The following KCNN2 variants were observed in gnomAD, a reference collection of about 807,000 sequenced individuals.
The protein encoded by KCNN2 is potassium calcium-activated channel subfamily N member 2.
Under a neutral mutation model 55.5 loss-of-function variants are expected in KCNN2, and 24 were observed. The observed-to-expected ratio is 0.43, with a 90% CI of 0.31 to 0.61. The LOEUF (loss-of-function observed/expected upper bound fraction) is 0.61, where lower values mean the gene tolerates loss of function less well. Ranked by LOEUF, KCNN2 falls within the 20% of genes least tolerant of loss-of-function variation. KCNN2 has a pLI of 0.08. For synonymous variants in KCNN2, 431 were observed against 336.1 expected (o/e 1.28, Z -3.09); for missense variants, 754 against 853.6 (o/e 0.88, Z 1.45).
chr5:114,106,641 TTG>T (rs748970857), intron 1 of KCNN2, among the ~76,000 whole-genome samples: 27 of 134,866 alleles, frequency 2.0e-4, no homozygotes, highest in Non-Finnish European at 2.5e-4. Context: ...GATTTTCCAG[TTG>T]TTTTTTTTTT....
chr5:114,341,984 C>G (rs1757025134), intron 2 of KCNN2, among the ~76,000 whole-genome samples: 2 of 151,560 alleles, frequency 1.3e-5, no homozygotes, highest in African/African-American at 2.4e-5. Flanking sequence ...TCACTGCAAG[C>G]TCAGCCTCCT....
chr5:114,300,028 TG>T (rs979450245), intron 2 of KCNN2, among the ~76,000 whole-genome samples: 1 of 5,478 alleles, frequency 1.8e-4, no homozygotes, highest in Non-Finnish European at 3.7e-3. Flanking sequence ...CCAAAAATGG[TG>T]TTTTTTTTTC....
chr5:114,072,094 A>G (rs1750581771), intron 1 of KCNN2, among the ~76,000 whole-genome samples: 1 of 152,162 alleles, frequency 6.6e-6, no homozygotes, highest in African/African-American at 2.4e-5. Flanking sequence ...GGAGTTCAAG[A>G]CCAGCCTGAC....
chr5:114,117,383 T>C (rs560221550), intron 1 of KCNN2, among the ~76,000 whole-genome samples: 12 of 152,288 alleles, frequency 7.9e-5, no homozygotes, highest in African/African-American at 2.9e-4. Context: ...ACCCTTCCTT[T>C]TCCTAGTAAA....
intron 2 of KCNN2, among the ~76,000 whole-genome samples, chr5:114,276,958 GT>G (rs1755503863): frequency 6.6e-6 from 1 of 152,192 alleles, no homozygotes; most frequent in South Asian, 2.1e-4. Flanking sequence ...AGTTTGGCAT[GT>G]TTTTGCAGTG....
intron 2 of KCNN2, among the ~76,000 whole-genome samples, chr5:114,248,624 C>A (rs1017383380): frequency 6.6e-6 from 1 of 151,952 alleles, no homozygotes; most frequent in East Asian, 1.9e-4. Flanking sequence ...TCTCATTTAC[C>A]CACTAGAAAA....
intron 2 of KCNN2, among the ~76,000 whole-genome samples, chr5:114,383,654 G>A (rs150966031): frequency 0.043 from 6,538 of 152,100 alleles, 173 homozygotes; most frequent in Middle Eastern, 0.061. Context: ...TTTTAGTAGG[G>A]ACAGGGTTTT....
intron 1 of KCNN2, among the ~76,000 whole-genome samples, chr5:114,138,862 T>G (rs1752220618): frequency 1.3e-5 from 2 of 152,170 alleles, no homozygotes; most frequent in Non-Finnish European, 2.9e-5. Flanking sequence ...ATTTTCAGTT[T>G]CCTTTTAAGA....
intron 6 of KCNN2, among the ~76,000 whole-genome samples, chr5:114,491,257 C>T (rs1374320025): frequency 6.6e-6 from 1 of 152,118 alleles, no homozygotes; most frequent in African/African-American, 2.4e-5. Flanking sequence ...TCATTACTTG[C>T]TGGAGGCATC....
intron 3 of KCNN2, among the ~76,000 whole-genome samples, chr5:114,452,659 G>A (rs1002639752): frequency 1.6e-4 from 24 of 152,196 alleles, no homozygotes; most frequent in African/African-American, 4.3e-4. Context: ...CTTCACCCCC[G>A]GAGACCTCAG....
At chr5:114,365,647 C>T (rs1423979421) in intron 2 of KCNN2, among the ~76,000 whole-genome samples, 1 of 152,224 alleles carries the variant, frequency 6.6e-6, no homozygotes, top group African/African-American at 2.4e-5. Flanking sequence ...GCTGCTGCTA[C>T]ATGCCAAAAA....
At chr5:114,250,086 G>A (rs942562298) in intron 2 of KCNN2, among the ~76,000 whole-genome samples, 1 of 152,120 alleles carries the variant, frequency 6.6e-6, no homozygotes, top group Non-Finnish European at 1.5e-5. Context: ...AGCCTGCTAA[G>A]AGCCTAGGAA....
chr5:114,142,843 T>G (rs891725063), intron 1 of KCNN2, among the ~76,000 whole-genome samples: 21 of 152,310 alleles, frequency 1.4e-4, no homozygotes, highest in Non-Finnish European at 8.8e-5. Context: ...AATGACTTTC[T>G]TCACAGAATT....
At chr5:114,112,846 G>T (rs1451387901) in intron 1 of KCNN2, among the ~76,000 whole-genome samples, 1 of 152,060 alleles carries the variant, frequency 6.6e-6, no homozygotes, top group Non-Finnish European at 1.5e-5. Flanking sequence ...TTCAAAATGT[G>T]TTATGTTTCT....
chr5:114,142,077 A>G (rs932927287), intron 1 of KCNN2, among the ~76,000 whole-genome samples: 2 of 152,180 alleles, frequency 1.3e-5, no homozygotes, highest in Middle Eastern at 6.8e-3. Context: ...CCCATTCTGT[A>G]TGTTGCCAGT....
intron 1 of KCNN2, among the ~76,000 whole-genome samples, chr5:114,110,488 AGG>A (rs1406514283): frequency 6.6e-6 from 1 of 152,030 alleles, no homozygotes; most frequent in Non-Finnish European, 1.5e-5. Flanking sequence ...TGAAGCTACA[AGG>A]GGAGAGAGAC....
intron 2 of KCNN2, among the ~76,000 whole-genome samples, chr5:114,248,066 A>G (rs1207893378): frequency 6.6e-6 from 1 of 152,192 alleles, no homozygotes; most frequent in African/African-American, 2.4e-5. Flanking sequence ...AATGTTCAAC[A>G]TGTTGCCTTC....
intron 1 of KCNN2, among the ~76,000 whole-genome samples, chr5:114,202,230 CTG>C (rs1753686967): frequency 6.6e-6 from 1 of 151,788 alleles, no homozygotes; most frequent in Admixed American, 6.6e-5. Context: ...AGCAACATCT[CTG>C]TGCAATCTTT....
chr5:114,073,132 T>G (rs1397288336), intron 1 of KCNN2, among the ~76,000 whole-genome samples: 1 of 152,190 alleles, frequency 6.6e-6, no homozygotes, highest in Non-Finnish European at 1.5e-5. Flanking sequence ...CCTTAGTCAG[T>G]GTTATCATCT....
Sources: allele counts gnomAD v4.1 joint callset (sites outside exome capture counted in the v4.1 genomes callset), GRCh38; gene constraint gnomAD v4.1.1; transcripts MANE v1.5; gene names NCBI Gene and HGNC (gene_info 2026-07-23, HGNC 2026-07-21).